EXOC6B: variants seen among roughly 807,000 people sequenced by gnomAD.
The protein encoded by EXOC6B is exocyst complex component 6B.
Under a neutral mutation model 113.5 loss-of-function variants are expected in EXOC6B, and 54 were observed. That is an observed-to-expected ratio of 0.48 (90% CI 0.38 to 0.60). EXOC6B has a LOEUF of 0.60. Among genes scored for constraint, EXOC6B ranks in the 20% least tolerant of loss-of-function variants. The probability of loss-of-function intolerance (pLI) is 0.00; values close to 1 mark genes in which losing one functional copy is unlikely to be tolerated. For synonymous variants in EXOC6B, 357 were observed against 339.0 expected, an observed-to-expected ratio of 1.05 and a Z score of -0.58; for missense variants, 797 against 977.5, an observed-to-expected ratio of 0.82 and a Z score of 2.46.
At position 72,374,458 on chromosome 2, in the gene EXOC6B, T is replaced by C. The variant is rs147238705; in HGVS notation, c.2122+5271A>G. Among the ~76,000 whole-genome samples the C allele has an allele frequency of 9.2e-5, 14 of 152,200 alleles. No homozygotes were observed. The East Asian group carries it at 2.3e-3, about 25-fold the overall frequency. On this transcript the variant is annotated intron_variant, in intron 19 of 21. Transcript: ENST00000272427. ...AAACCAGGCACAGAAAGACAAACAT[T>C]GCATGTTCTCACTTATATGTAGGAT...
chr2:72,481,065 A>G (rs1699060689), intron 16 of EXOC6B, among the ~76,000 whole-genome samples: 2 of 152,148 alleles, frequency 1.3e-5, no homozygotes, highest in African/African-American at 4.8e-5. Context: ...CGTGATAGTG[A>G]GTGAGTTCTC....
chr2:72,635,094 A>G (rs1388789534), intron 6 of EXOC6B, among the ~76,000 whole-genome samples: 1 of 152,152 alleles, frequency 6.6e-6, no homozygotes, highest in East Asian at 1.9e-4. Context: ...CACTACATGT[A>G]TATACATTAG....
intron 20 of EXOC6B, among the ~76,000 whole-genome samples, chr2:72,228,815 G>A (rs956947616): frequency 2.6e-5 from 4 of 152,110 alleles, no homozygotes; most frequent in Non-Finnish European, 4.4e-5. Context: ...GGTATTTCTA[G>A]TTCTAGATCC....
intron 7 of EXOC6B, among the ~76,000 whole-genome samples, chr2:72,564,742 A>T (rs1558800594): frequency 6.6e-6 from 1 of 152,188 alleles, no homozygotes; most frequent in Non-Finnish European, 1.5e-5. Flanking sequence ...AAACACCAAC[A>T]AACTGGAAGG....
At chr2:72,207,741 G>A (rs1401683357) in intron 20 of EXOC6B, among the ~76,000 whole-genome samples, 1 of 152,172 alleles carries the variant, frequency 6.6e-6, no homozygotes, top group African/African-American at 2.4e-5. Context: ...CAAAACACTA[G>A]AGGGACTATC....
At chr2:72,670,316 G>T (rs554059382) in intron 6 of EXOC6B, among the ~76,000 whole-genome samples, 111 of 152,028 alleles carry the variant, frequency 7.3e-4, no homozygotes, top group Non-Finnish European at 1.5e-3. Flanking sequence ...GAATTGTGTA[G>T]ATATATTATT....
intron 18 of EXOC6B, among the ~76,000 whole-genome samples, chr2:72,394,496 G>C (rs1171895479): frequency 1.3e-5 from 2 of 152,056 alleles, no homozygotes; most frequent in African/African-American, 4.8e-5. Context: ...CTTAAAAATT[G>C]AAATGGAGGT....
At position 72,532,676 on chromosome 2, in the gene EXOC6B, C is replaced by T. The variant is rs184398116; in HGVS notation, c.916-17550G>A. On this transcript the variant is annotated intron_variant, in intron 8 of 21. Transcript: ENST00000272427. ...TACAAAAAGTAGCCAGGTGTGGTGGCGCGCGCCTGTAATCACAGCTACTCT... is the reference window on the plus strand; with the variant it reads ...TACAAAAAGTAGCCAGGTGTGGTGGTGCGCGCCTGTAATCACAGCTACTCT... Among the ~76,000 whole-genome samples the T allele has an allele frequency of 1.8e-3, 281 of 152,014 alleles. 1 individual carries two copies. The highest frequency in any genetic ancestry group is 3.5e-3 in the South Asian group (17 of 4,804).
At chr2:72,792,566 TATA>T (rs1684733956) in intron 1 of EXOC6B, among the ~76,000 whole-genome samples, 1 of 152,118 alleles carries the variant, frequency 6.6e-6, no homozygotes, top group East Asian at 1.9e-4. Context: ...AGACATACAA[TATA>T]ATAAGGAAAA....
At chr2:72,231,714 A>C (rs937556896) in intron 20 of EXOC6B, among the ~76,000 whole-genome samples, 1 of 152,222 alleles carries the variant, frequency 6.6e-6, no homozygotes, top group Non-Finnish European at 1.5e-5. Flanking sequence ...ACAAATGCAT[A>C]ATAAACATTA....
intron 6 of EXOC6B, among the ~76,000 whole-genome samples, chr2:72,659,813 A>G (rs1380902633): frequency 6.6e-6 from 1 of 152,216 alleles, no homozygotes; most frequent in East Asian, 1.9e-4. Flanking sequence ...TAAACAGTAT[A>G]GTATTTCACT....
intron 19 of EXOC6B, among the ~76,000 whole-genome samples, chr2:72,338,435 G>A (rs762073461): frequency 1.4e-4 from 22 of 152,058 alleles, no homozygotes; most frequent in Non-Finnish European, 2.6e-4. Context: ...TTCAGCTATG[G>A]CTCAGTGATG....
chr2:72,185,028 A>T (rs902404720), intron 20 of EXOC6B, among the ~76,000 whole-genome samples: 2 of 152,248 alleles, frequency 1.3e-5, no homozygotes, highest in African/African-American at 4.8e-5. Flanking sequence ...AACTTTTGTC[A>T]AAGGCTTTCC....
At chr2:72,447,172 C>T (rs1426113655) in intron 18 of EXOC6B, among the ~76,000 whole-genome samples, 2 of 152,102 alleles carry the variant, frequency 1.3e-5, no homozygotes, top group African/African-American at 4.8e-5. Context: ...CCTTTTACCA[C>T]CTCTAAAAAC....
intron 8 of EXOC6B, among the ~76,000 whole-genome samples, chr2:72,532,473 A>G (rs1296922305): frequency 6.6e-6 from 1 of 152,114 alleles, no homozygotes; most frequent in Admixed American, 6.6e-5. Flanking sequence ...CTTTAATTCA[A>G]TTTAATAATT....
At chr2:72,659,332 C>T (rs1674835644) in intron 6 of EXOC6B, among the ~76,000 whole-genome samples, 2 of 152,062 alleles carry the variant, frequency 1.3e-5, no homozygotes, top group South Asian at 4.1e-4. Flanking sequence ...GTTGAATCAA[C>T]TGACCTCAAA....
At chr2:72,744,047 A>G (rs1667669051) in intron 1 of EXOC6B, among the ~76,000 whole-genome samples, 1 of 152,194 alleles carries the variant, frequency 6.6e-6, no homozygotes, top group Admixed American at 6.5e-5. Context: ...AGATATACAA[A>G]TACTTACCAG....
At chr2:72,295,535 AG>A (rs1480869175) in intron 20 of EXOC6B, among the ~76,000 whole-genome samples, 1 of 152,146 alleles carries the variant, frequency 6.6e-6, no homozygotes, top group Non-Finnish European at 1.5e-5. Context: ...AGTACTGAAC[AG>A]GTAAGTTAAA....
intron 20 of EXOC6B, among the ~76,000 whole-genome samples, chr2:72,241,627 G>A (rs1682316632): frequency 6.6e-6 from 1 of 151,976 alleles, no homozygotes; most frequent in South Asian, 2.1e-4. Context: ...GAGCGTCAGG[G>A]GAGAATCTTA....
Sources: allele counts gnomAD v4.1 joint callset (sites outside exome capture counted in the v4.1 genomes callset), GRCh38; gene constraint gnomAD v4.1.1; transcripts MANE v1.5; gene names NCBI Gene and HGNC (gene_info 2026-07-23, HGNC 2026-07-21).